The following SMAP1 variants were observed in gnomAD, a reference collection of about 807,000 sequenced individuals.
The protein encoded by SMAP1 is small ArfGAP 1, also known as stromal membrane-associated protein 1.
SMAP1 carries 24 observed loss-of-function variants against 58.5 expected under a neutral mutation model. The observed-to-expected ratio is 0.41, with a 90% CI of 0.30 to 0.58. The LOEUF is 0.58. Among genes scored for constraint, SMAP1 ranks in the 20% least tolerant of loss-of-function variants. The probability of loss-of-function intolerance (pLI) is 0.29; values close to 1 mark genes in which losing one functional copy is unlikely to be tolerated. For missense variants in SMAP1, 563 were observed against 566.3 expected (o/e 0.99, Z 0.06); for synonymous variants, 216 against 196.6 (o/e 1.10, Z -0.82).
intron 3 of SMAP1, among the ~76,000 whole-genome samples, chr6:70,756,801 C>T (rs1766510160): frequency 6.6e-6 from 1 of 152,092 alleles, no homozygotes. Context: ...CCTAGGAATC[C>T]AACTTACAAG....
At chr6:70,826,667 G>C (rs1169205745) in intron 6 of SMAP1, among the ~76,000 whole-genome samples, 1 of 152,020 alleles carries the variant, frequency 6.6e-6, no homozygotes, top group Non-Finnish European at 1.5e-5. Flanking sequence ...GAGGTGGGAG[G>C]ATCACCTGAG....
At position 70,668,202 on chromosome 6, in the gene SMAP1, C is replaced by A. The variant is rs549829789; in HGVS notation, c.118+61C>A. 19 of 1,444,590 alleles carry A rather than the reference C, an allele frequency of 1.3e-5. 1 individual carries two copies. In the South Asian group the frequency reaches 2.1e-4, roughly 16 times the overall value. 89.5% of individuals were successfully genotyped at this position (1,444,590 alleles called of 1,614,324 possible). On this transcript the variant is annotated intron_variant, in intron 1 of 10. Transcript: ENST00000370455. ...CTCTTGCGACCGGTGACCTTCCCGC[C>A]GCTGCGGCGCTCGGGGCCCGAGCGG...
chr6:70,724,168 T>C (rs1480296567), intron 1 of SMAP1, among the ~76,000 whole-genome samples: 1 of 151,876 alleles, frequency 6.6e-6, no homozygotes, highest in Admixed American at 6.6e-5. Flanking sequence ...TTGTTGTTTT[T>C]TTGTTTTTTT....
chr6:70,725,333 G>T (rs1768728441), intron 1 of SMAP1, among the ~76,000 whole-genome samples: 2 of 151,644 alleles, frequency 1.3e-5, no homozygotes, highest in Non-Finnish European at 2.9e-5. Context: ...AACCAGGATG[G>T]TCTTGATCTC....
At chr6:70,825,503 T>C (rs187048367) in intron 6 of SMAP1, among the ~76,000 whole-genome samples, 22 of 152,240 alleles carry the variant, frequency 1.4e-4, no homozygotes, top group African/African-American at 5.3e-4. Context: ...GTTAAAGATA[T>C]AGCTGTAGGT....
chr6:70,730,408 A>G lies in SMAP1; in HGVS notation c.119-1970A>G, dbSNP rs938228586. On this transcript the variant is annotated intron_variant, in intron 1 of 10. Transcript: ENST00000370455. ...GTTTGAGACTTACTTGCTAAAAATA[A>G]TTAAACCCTCCAGCTATTGCTCTGT... 2.6e-5 allele frequency among the ~76,000 whole-genome samples: 4 copies of G among 152,350 alleles called. No homozygotes were observed. In the East Asian group the frequency reaches 7.7e-4, roughly 29 times the overall value.
At chr6:70,798,301 C>T (rs563209756) in intron 5 of SMAP1, among the ~76,000 whole-genome samples, 5 of 149,292 alleles carry the variant, frequency 3.3e-5, no homozygotes, top group African/African-American at 1.2e-4. Context: ...AATTCAACTT[C>T]GTGATTGCTG....
intron 6 of SMAP1, among the ~76,000 whole-genome samples, chr6:70,819,457 C>T (rs1769792398): frequency 6.6e-6 from 1 of 152,114 alleles, no homozygotes; most frequent in African/African-American, 2.4e-5. Context: ...AAGGATGTTT[C>T]CTGTTTCAGG....
At chr6:70,690,087 A>G (rs1767096018) in intron 1 of SMAP1, among the ~76,000 whole-genome samples, 1 of 152,146 alleles carries the variant, frequency 6.6e-6, no homozygotes, top group African/African-American at 2.4e-5. Flanking sequence ...TTTAGTAAAA[A>G]TAGAAGTGGT....
intron 1 of SMAP1, among the ~76,000 whole-genome samples, chr6:70,721,973 G>A (rs1414598953): frequency 6.6e-6 from 1 of 152,142 alleles, no homozygotes; most frequent in Non-Finnish European, 1.5e-5. Context: ...TGAGGACTCA[G>A]CCAAAGCATA....
chr6:70,813,659 A>G (rs1769486517), intron 6 of SMAP1, among the ~76,000 whole-genome samples: 1 of 152,076 alleles, frequency 6.6e-6, no homozygotes, highest in Non-Finnish European at 1.5e-5. Context: ...TTGAGCCTTA[A>G]ACTTGTAGTG....
chr6:70,858,116 C>A lies in SMAP1; in HGVS notation c.1156C>A (p.Pro386Thr). 6.2e-7 allele frequency: 1 copy of A among 1,614,004 alleles called. No individual in the cohort carries two copies. Among genetic ancestry groups the A allele is most frequent in the African/African-American group, 1.3e-5 (1 of 75,004 alleles). ...FMGNAQTGVM[P>T]LPQNVVGPQG... ...GGGAAATGCACAAACTGGTGTGATG[C>A]CACTTCCTCAGAACGTTGTTGGCCC... The change falls in exon 10 of 11, where the codon CCA becomes ACA. Residue 386 changes from proline to threonine, a missense_variant. Physicochemically the swap from Pro to Thr is conservative, Grantham distance 38. Around this residue, in one of 3 missense-constraint regions of SMAP1, gnomAD observed 494 missense variants for 473.8 expected, o/e 1.04. Transcript: ENST00000370455.
At chr6:70,803,218 G>T (rs1244219453) in intron 6 of SMAP1, among the ~76,000 whole-genome samples, 1 of 152,044 alleles carries the variant, frequency 6.6e-6, no homozygotes, top group Non-Finnish European at 1.5e-5. Context: ...ACTTATTCCT[G>T]GTTTAGTCTT....
chr6:70,722,079 T>G (rs1201739653), intron 1 of SMAP1, among the ~76,000 whole-genome samples: 1 of 152,230 alleles, frequency 6.6e-6, no homozygotes, highest in Non-Finnish European at 1.5e-5. Context: ...TTTCATCAAT[T>G]GTCACAATAA....
At chr6:70,787,144 C>T (rs942472169) in intron 4 of SMAP1, among the ~76,000 whole-genome samples, 21 of 152,062 alleles carry the variant, frequency 1.4e-4, no homozygotes, top group Non-Finnish European at 2.8e-4. Context: ...GAAATAATGC[C>T]GCATATCTAC....
At position 70,771,632 on chromosome 6, in the gene SMAP1, C is replaced by T. The variant is rs187336032; in HGVS notation, c.339-1718C>T. Among the ~76,000 whole-genome samples the T allele has an allele frequency of 2.0e-3, 302 of 152,206 alleles. 1 individual carries two copies. Among genetic ancestry groups the T allele is most frequent in the African/African-American group, 6.9e-3 (288 of 41,518 alleles). ...GCGCGGTGTTGGGGTGGGAGTGACC[C>T]GATTTTCCAGGTGCCGTCTGTCACC... On this transcript the variant is annotated intron_variant, in intron 3 of 10. Coordinates refer to ENST00000370455, the MANE Select transcript of SMAP1 (RefSeq NM_001044305.3).
intron 7 of SMAP1, among the ~76,000 whole-genome samples, chr6:70,847,102 A>G (rs927326342): frequency 6.6e-6 from 1 of 152,234 alleles, no homozygotes; most frequent in Non-Finnish European, 1.5e-5. Context: ...ATTGTTAAAA[A>G]TACTTTATTT....
chr6:70,678,060 C>T (rs894600502), intron 1 of SMAP1, among the ~76,000 whole-genome samples: 5 of 152,074 alleles, frequency 3.3e-5, no homozygotes, highest in African/African-American at 1.2e-4. Flanking sequence ...TAAAACAGAG[C>T]TTAGATAAAG....
chr6:70,776,595 C>T (rs1767557096), intron 4 of SMAP1, among the ~76,000 whole-genome samples: 1 of 152,180 alleles, frequency 6.6e-6, no homozygotes, highest in South Asian at 2.1e-4. Flanking sequence ...CTAAATCGTA[C>T]TCCTCCTATC....
Sources: gnomAD v4.1 joint callset for allele counts (sites outside exome capture counted in the v4.1 genomes callset) on GRCh38, gnomAD v4.1.1 for gene constraint, gnomAD v4.1.1 regional missense constraint, MANE v1.5 for transcripts, NCBI Gene and HGNC (gene_info 2026-07-23, HGNC 2026-07-21) for gene names.